The following ASB4 variants were observed in gnomAD, a reference collection of about 807,000 sequenced individuals.
The protein encoded by ASB4 is ankyrin repeat and SOCS box protein 4.
Under a neutral mutation model 38.6 loss-of-function variants are expected in ASB4, and 35 were observed. The observed-to-expected ratio is 0.91, with a 90% confidence interval of 0.69 to 1.20. The LOEUF is 1.20. ASB4 is among the 50% of genes most tolerant of loss of function. ASB4 has a pLI of 0.00. For synonymous variants in ASB4, 195 were observed against 201.3 expected, an observed-to-expected ratio of 0.97 and a Z score of 0.26; for missense variants, 557 against 527.2, an observed-to-expected ratio of 1.06 and a Z score of -0.55.
upstream of ASB4, chr7:95,485,887 G>T: frequency 1.6e-6 from 2 of 1,234,478 alleles, no homozygotes; most frequent in Non-Finnish European, 2.2e-6. Context: ...TTAGCCGACA[G>T]TTTGTGGACT....
chr7:95,519,498 A>T (rs1340231415), intron 2 of ASB4, among the ~76,000 whole-genome samples: 1 of 152,238 alleles, frequency 6.6e-6, no homozygotes, highest in East Asian at 1.9e-4. Flanking sequence ...TTATCTGCAC[A>T]GAAGCCTATA....
chr7:95,513,439 A>C (rs918097394), intron 2 of ASB4, among the ~76,000 whole-genome samples: 1 of 151,722 alleles, frequency 6.6e-6, no homozygotes, highest in African/African-American at 2.4e-5. Flanking sequence ...GACCTAGGGA[A>C]TAGATACAGT....
the ASB4 span, among the ~76,000 whole-genome samples, chr7:95,546,056 C>T: frequency 6.6e-6 from 1 of 152,180 alleles, no homozygotes; most frequent in Admixed American, 6.5e-5. Context: ...GGAACTCCTC[C>T]CTGTCACTTA....
intron 2 of ASB4, among the ~76,000 whole-genome samples, chr7:95,497,908 C>A (rs2116593704): frequency 6.6e-6 from 1 of 152,230 alleles, no homozygotes; most frequent in Middle Eastern, 3.4e-3. Context: ...ATACACATAA[C>A]AAAATTGATC....
intron 2 of ASB4, among the ~76,000 whole-genome samples, chr7:95,504,838 C>G (rs1417237787): frequency 6.6e-6 from 1 of 152,168 alleles, no homozygotes; most frequent in African/African-American, 2.4e-5. Flanking sequence ...TTCCAGAAGA[C>G]TTGCCTCCAA....
chr7:95,477,399 T>C (rs934006965), upstream of ASB4, among the ~76,000 whole-genome samples: 3 of 152,246 alleles, frequency 2.0e-5, no homozygotes, highest in Non-Finnish European at 4.4e-5. Context: ...TCAAAAAATA[T>C]ATAAAATAAT....
At position 95,528,287 on chromosome 7, in the gene ASB4, C is replaced by G. The variant is rs1296383029; in HGVS notation, c.962C>G (p.Pro321Arg). 6.2e-7 allele frequency: 1 copy of G among 1,614,170 alleles called. No homozygotes were observed. The highest frequency in any genetic ancestry group is 1.7e-5 in the Admixed American group (1 of 60,024). ...AACCATGGGGCTGCCCGAATATACC[C>G]TCCACAGTTCCATAAGGTGAGGCTC... ...LLNHGAARIY[P>R]PQFHKVIQAC... is the part of the protein sequence containing the mutation. Residue 321 changes from proline (P) to arginine (R), a missense_variant, in exon 3 of 5, where the codon CCT becomes CGT. Transcript: ENST00000325885.
intron 2 of ASB4, among the ~76,000 whole-genome samples, chr7:95,510,507 A>G (rs1562815508): frequency 6.6e-6 from 1 of 152,256 alleles, no homozygotes; most frequent in Non-Finnish European, 1.5e-5. Flanking sequence ...AAATAATAGA[A>G]ATAACTAGGC....
chr7:95,483,125 A>C (rs1260289644), upstream of ASB4, among the ~76,000 whole-genome samples: 1 of 152,204 alleles, frequency 6.6e-6, no homozygotes. Context: ...TAGTAGCCAG[A>C]TAGGACCAAG....
chr7:95,514,453 A>T (rs1488731518), intron 2 of ASB4, among the ~76,000 whole-genome samples: 1 of 152,218 alleles, frequency 6.6e-6, no homozygotes, highest in Non-Finnish European at 1.5e-5. Flanking sequence ...TATTAATTAC[A>T]TCATAAAAAT....
the ASB4 span, chr7:95,472,084 T>TG: frequency 6.6e-6 from 1 of 152,010 alleles, no homozygotes; most frequent in Non-Finnish European, 1.5e-5. Flanking sequence ...TGTGTGGTGG[T>TG]GGGAGGGGAC....
At chr7:95,474,948 A>T (rs1044948693), upstream of ASB4, among the ~76,000 whole-genome samples, 16 of 152,228 alleles carry the variant, frequency 1.1e-4, no homozygotes, top group African/African-American at 3.9e-4. Context: ...TAGAAACAGT[A>T]ATTAAGGAGG....
chr7:95,480,151 C>T (rs745594863), intron 1 of ASB4, among the ~76,000 whole-genome samples: 1 of 152,166 alleles, frequency 6.6e-6, no homozygotes, highest in African/African-American at 2.4e-5. Flanking sequence ...CTGATCTATA[C>T]AAGGGTGGCT....
chr7:95,513,120 G>T (rs1199857768), intron 2 of ASB4, among the ~76,000 whole-genome samples: 3 of 152,060 alleles, frequency 2.0e-5, no homozygotes, highest in Non-Finnish European at 4.4e-5. Context: ...CTTTGAAGAT[G>T]GAGGAAGGAG....
At chr7:95,482,872 G>A (rs531699610), upstream of ASB4, among the ~76,000 whole-genome samples, 18 of 152,234 alleles carry the variant, frequency 1.2e-4, no homozygotes, top group East Asian at 3.1e-3. Flanking sequence ...ATGGGATGGG[G>A]GGTGGTTTAG....
At chr7:95,524,656 G>A (rs1210926026) in intron 2 of ASB4, among the ~76,000 whole-genome samples, 1 of 152,204 alleles carries the variant, frequency 6.6e-6, no homozygotes, top group African/African-American at 2.4e-5. Flanking sequence ...AAATAAGGTT[G>A]CTGCAGATGT....
chr7:95,515,316 T>TCTTCCTTCCTTCCTTCCTTC (rs1274522352), intron 2 of ASB4, among the ~76,000 whole-genome samples: 3 of 95,772 alleles, frequency 3.1e-5, no homozygotes, highest in East Asian at 6.2e-4. Flanking sequence ...TTTCTTTCTT[T>TCTTCCTTCCTTCCTTCCTTC]CTTCCTTCCT....
chr7:95,515,252 C>T (rs13229811), intron 2 of ASB4, among the ~76,000 whole-genome samples: 1,621 of 51,942 alleles, frequency 0.031, 23 homozygotes, highest in African/African-American at 0.057. Context: ...TCTTTCTTTC[C>T]TTCTTTCTTT....
chr7:95,529,071 C>T (rs553106324), intron 3 of ASB4, among the ~76,000 whole-genome samples: 4 of 152,110 alleles, frequency 2.6e-5, no homozygotes, highest in Admixed American at 1.3e-4. Flanking sequence ...AGACATGGGA[C>T]GTATCCTCAA....
Sources: gnomAD v4.1 joint callset for allele counts (sites outside exome capture counted in the v4.1 genomes callset) on GRCh38, gnomAD v4.1.1 for gene constraint, MANE v1.5 for transcripts, NCBI Gene and HGNC (gene_info 2026-07-23, HGNC 2026-07-21) for gene names.